Variants in CLXN observed in about 807,000 individuals in gnomAD.
CLXN encodes calaxin.
At chr8:48,716,845 G>A in the CLXN span, among the ~76,000 whole-genome samples, 1 of 152,082 alleles carries the variant, frequency 6.6e-6, no homozygotes, top group Non-Finnish European at 1.5e-5. Flanking sequence ...ACCAATATAT[G>A]CATTGTGAAA....
the CLXN span, chr8:48,729,085 G>A: frequency 6.2e-7 from 1 of 1,613,410 alleles, no homozygotes; most frequent in Non-Finnish European, 8.5e-7. Flanking sequence ...CAGTAGAAGA[G>A]TCTCTTCTCT....
the CLXN span, among the ~76,000 whole-genome samples, chr8:48,729,510 G>A: frequency 1.3e-4 from 19 of 151,044 alleles, no homozygotes; most frequent in South Asian, 3.8e-3. Flanking sequence ...GAGACAGAGC[G>A]AGACCCTGTC....
chr8:48,722,269 TA>T, the CLXN span, among the ~76,000 whole-genome samples: 1 of 152,176 alleles, frequency 6.6e-6, no homozygotes, highest in African/African-American at 2.4e-5. Context: ...ATCACTAAGA[TA>T]AATGATAACA....
the CLXN span, among the ~76,000 whole-genome samples, chr8:48,723,087 T>G: frequency 6.6e-6 from 1 of 152,142 alleles, no homozygotes; most frequent in Non-Finnish European, 1.5e-5. Flanking sequence ...TAAACAGCAA[T>G]GTGACTATAG....
At chr8:48,711,590 A>T in the CLXN span, 2 of 152,276 alleles carry the variant, frequency 1.3e-5, no homozygotes. Context: ...TCAGATGAGA[A>T]GAGTGGATAG....
chr8:48,727,759 C>T, the CLXN span, among the ~76,000 whole-genome samples: 1 of 152,086 alleles, frequency 6.6e-6, no homozygotes, highest in African/African-American at 2.4e-5. Flanking sequence ...TGAGAAAAGT[C>T]AGTAGGGGAT....
chr8:48,720,538 T>C, the CLXN span, among the ~76,000 whole-genome samples: 2,032 of 152,218 alleles, frequency 0.013, 53 homozygotes, highest in African/African-American at 0.046. Context: ...CCTGGTTAAT[T>C]TGTGGTCAGA....
the CLXN span, chr8:48,716,386 G>C: frequency 6.6e-6 from 1 of 152,510 alleles, no homozygotes; most frequent in Non-Finnish European, 1.5e-5. Context: ...CTCCCCACAA[G>C]CAGAGGGAGC....
the CLXN span, chr8:48,730,756 G>A: frequency 1.9e-6 from 1 of 535,238 alleles, no homozygotes; most frequent in Non-Finnish European, 3.2e-6. Context: ...AGCTTGTGAA[G>A]TCCAATATTC....
At chr8:48,718,856 A>T in the CLXN span, among the ~76,000 whole-genome samples, 1 of 152,064 alleles carries the variant, frequency 6.6e-6, no homozygotes, top group South Asian at 2.1e-4. Context: ...AAGAATAGAG[A>T]TCTCAGGTAA....
the CLXN span, among the ~76,000 whole-genome samples, chr8:48,712,646 C>G: frequency 6.6e-6 from 1 of 152,118 alleles, no homozygotes; most frequent in Non-Finnish European, 1.5e-5. Flanking sequence ...TGCAGACGTG[C>G]GCCCAGCCTC....
At chr8:48,710,841 T>C in the CLXN span, 1 of 152,204 alleles carries the variant, frequency 6.6e-6, no homozygotes, top group African/African-American at 2.4e-5. Flanking sequence ...AACCTATAAA[T>C]AGGGTGACAA....
At chr8:48,713,948 C>T in the CLXN span, 1 of 152,164 alleles carries the variant, frequency 6.6e-6, no homozygotes, top group African/African-American at 2.4e-5. Flanking sequence ...CTCTCCTAAA[C>T]AGGCCTAGCC....
At chr8:48,723,346 T>C in the CLXN span, 1 of 152,210 alleles carries the variant, frequency 6.6e-6, no homozygotes, top group African/African-American at 2.4e-5. Flanking sequence ...ATAGAAAAAT[T>C]GTGTCAAAGT....
the CLXN span, among the ~76,000 whole-genome samples, chr8:48,719,478 A>C: frequency 6.6e-6 from 1 of 152,178 alleles, no homozygotes; most frequent in African/African-American, 2.4e-5. Flanking sequence ...AGAAAACTAC[A>C]AGCCAATATC....
chr8:48,727,795 A>G, the CLXN span, among the ~76,000 whole-genome samples: 1 of 152,198 alleles, frequency 6.6e-6, no homozygotes, highest in African/African-American at 2.4e-5. Flanking sequence ...AAAGCTAACA[A>G]TCTAGGCTAG....
the CLXN span, chr8:48,729,006 A>C: frequency 6.6e-7 from 1 of 1,509,782 alleles, no homozygotes; most frequent in Non-Finnish European, 9.1e-7. Context: ...TCTACATTCT[A>C]CTTTGATTAC....
At chr8:48,733,567 AG>A in the CLXN span, among the ~76,000 whole-genome samples, 1 of 152,212 alleles carries the variant, frequency 6.6e-6, no homozygotes, top group Non-Finnish European at 1.5e-5. Flanking sequence ...ATTTAACTTT[AG>A]GGGAAAGTTC....
the CLXN span, among the ~76,000 whole-genome samples, chr8:48,721,900 G>C: frequency 2.0e-5 from 3 of 152,266 alleles, no homozygotes; most frequent in Admixed American, 6.5e-5. Context: ...ATGATTTTTG[G>C]ATATGATGAC....
Sources: allele counts gnomAD v4.1 joint callset (sites outside exome capture counted in the v4.1 genomes callset), GRCh38; gene constraint gnomAD v4.1.1; transcripts MANE v1.5; gene names NCBI Gene and HGNC (gene_info 2026-07-23, HGNC 2026-07-21).